The following XRN1 variants were observed in gnomAD, a reference collection of about 807,000 sequenced individuals.
XRN1 encodes 5'-3' exoribonuclease 1, also known as strand-exchange protein 1 homolog.
In XRN1, 67 loss-of-function variants were observed where a neutral mutation model predicts 222.3. The ratio of observed to expected loss-of-function variants is 0.30; its 90% CI spans 0.25 to 0.37. The LOEUF (loss-of-function observed/expected upper bound fraction) is 0.37. Ranked by LOEUF, XRN1 falls within the 10% of genes least tolerant of loss-of-function variation. The pLI is 1.00. For synonymous variants in XRN1, 643 were observed against 652.4 expected, an observed-to-expected ratio of 0.99 and a Z score of 0.22; for missense variants, 1,707 against 2,000.2, an observed-to-expected ratio of 0.85 and a Z score of 2.80.
At position 142,371,342 on chromosome 3, in the gene XRN1, C is replaced by G. The variant is rs765468323; in HGVS notation, c.2979-14G>C. On this transcript the variant is annotated splice_polypyrimidine_tract_variant and intron_variant, in intron 25 of 40. Transcript: ENST00000392981. ...AGTTCTGGAGCTCTGGTCAAACAAA[C>G]AAAAATATTGTCTTAAAATATATAT... 1.9e-6 allele frequency: 3 copies of G among 1,580,928 alleles called. No homozygotes were observed. Among genetic ancestry groups the G allele is most frequent in the Non-Finnish European group, 2.6e-6 (3 of 1,159,788 alleles).
In XRN1 at chr3:142,341,459, TAATA is replaced by T. The variant is rs1304200693; in HGVS notation, c.3877+5771_3877+5774del. On this transcript the variant is annotated intron_variant, in intron 33 of 40. Transcript: ENST00000392981. ...TTGTCAATAATAACAAAAGGAAGAATAATAAATAATAATAAAAGGAAGAATAATA... is the reference window on the plus strand; with the variant it reads ...TTGTCAATAATAACAAAAGGAAGAATAATAATAATAAAAGGAAGAATAATA... Among the ~76,000 whole-genome samples, 8 of 148,772 alleles carry T rather than the reference TAATA, an allele frequency of 5.4e-5. No individual in the cohort carries two copies. In the East Asian group the frequency reaches 1.4e-3, roughly 26 times the overall value.
At chr3:142,369,294 T>A (rs1467519775) in intron 27 of XRN1, among the ~76,000 whole-genome samples, 1 of 152,058 alleles carries the variant, frequency 6.6e-6, no homozygotes, top group Non-Finnish European at 1.5e-5. Context: ...ACGTAAGAAA[T>A]AGGAGAGATT....
chr3:142,389,864 T>C (rs997384720), intron 20 of XRN1, among the ~76,000 whole-genome samples: 1 of 152,182 alleles, frequency 6.6e-6, no homozygotes, highest in African/African-American at 2.4e-5. Flanking sequence ...TTCAAAGTAC[T>C]CCTTAGTCCA....
At position 142,335,507 on chromosome 3, in the gene XRN1, TAACTA is replaced by T; in HGVS notation, c.3878-3_3879del. ...GCTTTAGGACTCTTACACTCTTCTT[TAACTA>T]GAGACAAGAAAACAGAAATTTTCAT... On this transcript the variant is annotated splice_acceptor_variant and splice_polypyrimidine_tract_variant and coding_sequence_variant and intron_variant, in exon 34 of 41. Transcript: ENST00000392981. LOFTEE classifies it high-confidence loss of function. 1 of 1,612,946 alleles carries T rather than the reference TAACTA, an allele frequency of 6.2e-7. No homozygotes were observed. Among genetic ancestry groups the T allele is most frequent in the Non-Finnish European group, 8.5e-7 (1 of 1,179,586 alleles).
intron 5 of XRN1, among the ~76,000 whole-genome samples, chr3:142,424,095 C>T (rs2069148039): frequency 1.3e-5 from 2 of 151,862 alleles, no homozygotes; most frequent in African/African-American, 2.4e-5. Context: ...AATTTTCTCA[C>T]ATAGTATCTT....
intron 20 of XRN1, among the ~76,000 whole-genome samples, chr3:142,388,456 T>G (rs1245831710): frequency 1.3e-5 from 2 of 152,130 alleles, no homozygotes; most frequent in Non-Finnish European, 2.9e-5. Flanking sequence ...GTGCATTTTT[T>G]TTACTGTATT....
chr3:142,376,693 T>A, intron 23 of XRN1, 99 bp from the exon 24 acceptor site: 2 of 849,480 alleles, frequency 2.4e-6, no homozygotes, highest in Non-Finnish European at 3.7e-6. Context: ...AAGACATCAC[T>A]AACCATTGGA....
At chr3:142,409,308 T>C (rs953815875) in intron 15 of XRN1, among the ~76,000 whole-genome samples, 3 of 152,242 alleles carry the variant, frequency 2.0e-5, no homozygotes, top group Admixed American at 6.5e-5. Flanking sequence ...CTTTTATTAA[T>C]ACATTTAGAT....
At chr3:142,330,093 C>T (rs758830881) in intron 36 of XRN1, among the ~76,000 whole-genome samples, 4 of 152,018 alleles carry the variant, frequency 2.6e-5, no homozygotes, top group Non-Finnish European at 5.9e-5. Context: ...AAATTAAAAC[C>T]TTGAGCAGCT....
intron 20 of XRN1, among the ~76,000 whole-genome samples, chr3:142,391,748 AAATATAT>A (rs1179181239): frequency 1.5e-4 from 8 of 52,996 alleles, no homozygotes; most frequent in Non-Finnish European, 3.7e-4. Flanking sequence ...AAAAAAAAAA[AAATATAT>A]ATATATATAT....
Position 142,403,665 on chromosome 3 carries a change from A to G in XRN1, c.2103+9T>C. On this transcript the variant is annotated intron_variant, in intron 18 of 40. Transcript: ENST00000392981. Reference sequence around the variant, plus strand: ...CATCTAATAAATGAATGATAAATAAAATACTTACAAGTTCATCTGATTCTG... The same window carrying G: ...CATCTAATAAATGAATGATAAATAAGATACTTACAAGTTCATCTGATTCTG... The G allele has an allele frequency of 6.2e-7, 1 of 1,609,164 alleles. No homozygotes were observed. The highest frequency in any genetic ancestry group is 8.5e-7 in the Non-Finnish European group (1 of 1,176,354).
Position 142,371,275 on chromosome 3 carries a change from T to C in XRN1, c.3032A>G (p.Tyr1011Cys). The change falls in exon 26 of 41, where the codon TAT becomes TGT. Residue 1011 changes from tyrosine to cysteine, a missense_variant. Physicochemically the swap from Tyr to Cys is radical, Grantham distance 194 (BLOSUM62 -2). Transcript: ENST00000392981. ...TTCTCCAGGCCAAATGTCATCTTCA[T>C]AGAACACATCCTCTTGGCTATTTTT... ...IAKNSQEDVF[Y>C]EDDIWPGENE... 1.2e-6 allele frequency: 2 copies of C among 1,613,618 alleles called. No homozygotes were observed. Among genetic ancestry groups the C allele is most frequent in the South Asian group, 2.2e-5 (2 of 91,008 alleles).
chr3:142,393,744 TTCC>T (rs1395557367), intron 20 of XRN1, among the ~76,000 whole-genome samples: 2 of 152,194 alleles, frequency 1.3e-5, no homozygotes, highest in African/African-American at 4.8e-5. Flanking sequence ...GTCTGATAAC[TTCC>T]TCTTCATCCA....
intron 37 of XRN1, among the ~76,000 whole-genome samples, chr3:142,325,606 C>G (rs539060255): frequency 3.3e-4 from 50 of 152,086 alleles, no homozygotes; most frequent in African/African-American, 1.2e-3. Context: ...ATATTTTCTC[C>G]TCTTCTGTGT....
chr3:142,338,702 C>T (rs1199254596), intron 33 of XRN1, among the ~76,000 whole-genome samples: 1 of 152,098 alleles, frequency 6.6e-6, no homozygotes, highest in Non-Finnish European at 1.5e-5. Context: ...CTAGATGTGC[C>T]TTGGGCCAGA....
At chr3:142,398,214 G>A (rs1373929549) in intron 19 of XRN1, among the ~76,000 whole-genome samples, 1 of 152,038 alleles carries the variant, frequency 6.6e-6, no homozygotes, top group East Asian at 1.9e-4. Context: ...CTGCACTTGG[G>A]GCGACAGAGC....
At chr3:142,338,875 G>A (rs562773259) in intron 33 of XRN1, among the ~76,000 whole-genome samples, 1 of 152,340 alleles carries the variant, frequency 6.6e-6, no homozygotes, top group African/African-American at 2.4e-5. Flanking sequence ...CGCAGAAAGT[G>A]AAGGGAAGAG....
At chr3:142,384,051 A>G (rs1340054307) in intron 21 of XRN1, among the ~76,000 whole-genome samples, 1 of 152,100 alleles carries the variant, frequency 6.6e-6, no homozygotes, top group Non-Finnish European at 1.5e-5. Context: ...TGGGTGGATC[A>G]CGAGGTCAGG....
At chr3:142,441,860 G>T (rs1423921277) in intron 1 of XRN1, among the ~76,000 whole-genome samples, 2 of 152,190 alleles carry the variant, frequency 1.3e-5, no homozygotes, top group Admixed American at 6.5e-5. Context: ...CCTTTCAGAG[G>T]TTCCCTTGAC....
Sources: allele counts gnomAD v4.1 joint callset (sites outside exome capture counted in the v4.1 genomes callset), GRCh38; gene constraint gnomAD v4.1.1; transcripts MANE v1.5; gene names NCBI Gene and HGNC (gene_info 2026-07-23, HGNC 2026-07-21).